Variants in LRRC4C observed in about 807,000 individuals in gnomAD.
LRRC4C encodes leucine-rich repeat-containing protein 4C.
In LRRC4C, 5 loss-of-function variants were observed where a neutral mutation model predicts 33.6. The observed-to-expected ratio is 0.15, with a 90% CI of 0.08 to 0.31. The LOEUF (loss-of-function observed/expected upper bound fraction) is 0.31. LRRC4C is among the 10% of genes least tolerant of loss of function. The pLI is 1.00. For synonymous variants in LRRC4C, 329 were observed against 302.0 expected (o/e 1.09, Z -0.93); for missense variants, 560 against 796.7 (o/e 0.70, Z 3.58).
At chr11:41,250,577 A>G (rs867654292) in intron 1 of LRRC4C, among the ~76,000 whole-genome samples, 14 of 152,196 alleles carry the variant, frequency 9.2e-5, no homozygotes, top group Admixed American at 4.6e-4. Flanking sequence ...GGGGACAGGG[A>G]GCCAAAAATT....
intron 2 of LRRC4C, among the ~76,000 whole-genome samples, chr11:40,775,553 G>T (rs895792424): frequency 1.2e-4 from 19 of 152,090 alleles, no homozygotes; most frequent in African/African-American, 4.3e-4. Flanking sequence ...TGTAAATGGG[G>T]TTGCCTTCTT....
rs572044577 is a variant in LRRC4C, at chr11:40,282,037, C to T, written c.-176+37591G>A. On this transcript the variant is annotated intron_variant, in intron 4 of 6. Coordinates refer to ENST00000528697, the MANE Select transcript of LRRC4C (RefSeq NM_001258419.2). ...AGGTTGCCTACAAGTGTCATCTCAA[C>T]AGTTTGTAGTTTGACAAGAACTAAG... Among the ~76,000 whole-genome samples, 55 of 152,280 alleles carry T rather than the reference C, an allele frequency of 3.6e-4. 1 individual carries two copies. The highest frequency in any genetic ancestry group is 1.3e-3 in the African/African-American group (55 of 41,570).
intron 3 of LRRC4C, among the ~76,000 whole-genome samples, chr11:40,454,143 T>C (rs1163672197): frequency 1.3e-5 from 2 of 151,910 alleles, no homozygotes; most frequent in Non-Finnish European, 2.9e-5. Flanking sequence ...GTTTCCCCAA[T>C]ATAATTATAA....
At chr11:41,281,082 T>TCTCTCTCTCTCTC (rs1949659033) in intron 1 of LRRC4C, among the ~76,000 whole-genome samples, 1 of 90,858 alleles carries the variant, frequency 1.1e-5, no homozygotes, top group Non-Finnish European at 2.5e-5. Context: ...CTCTGTCCTC[T>TCTCTCTCTCTCTC]CTCTCTCTCT....
At chr11:40,581,174 C>A (rs1455984635) in intron 3 of LRRC4C, among the ~76,000 whole-genome samples, 2 of 152,344 alleles carry the variant, frequency 1.3e-5, no homozygotes, top group South Asian at 2.1e-4. Context: ...ATTACACTAA[C>A]AGAAAATTGC....
In LRRC4C at chr11:40,904,082, T is replaced by A. The variant is rs895253156; in HGVS notation, c.-407+29553A>T. Among the ~76,000 whole-genome samples the A allele has an allele frequency of 4.6e-5, 7 of 152,174 alleles. 1 individual carries two copies. The highest frequency in any genetic ancestry group is 2.6e-4 in the Admixed American group (4 of 15,270). The stretch of plus-strand genomic sequence containing the variant: ...GCTGCAATGTCAGAATCAAATTTCA[T>A]CCAATGAGGAGTTACTTCTGAGGGA... On this transcript the variant is annotated intron_variant, in intron 2 of 6. Coordinates refer to ENST00000528697, the MANE Select transcript of LRRC4C (RefSeq NM_001258419.2).
intron 3 of LRRC4C, among the ~76,000 whole-genome samples, chr11:40,517,577 T>C (rs1489254689): frequency 6.6e-6 from 1 of 152,088 alleles, no homozygotes; most frequent in East Asian, 1.9e-4. Context: ...GACAGGACTG[T>C]GAGAACCCAC....
At chr11:41,420,320 A>G (rs1017234548) in intron 1 of LRRC4C, among the ~76,000 whole-genome samples, 1 of 151,894 alleles carries the variant, frequency 6.6e-6, no homozygotes, top group Non-Finnish European at 1.5e-5. Flanking sequence ...AAAATAATAG[A>G]TGTTGAACTC....
At chr11:40,301,337 G>A (rs1944764896) in intron 4 of LRRC4C, among the ~76,000 whole-genome samples, 1 of 152,168 alleles carries the variant, frequency 6.6e-6, no homozygotes, top group Non-Finnish European at 1.5e-5. Context: ...GAGAAGGTAT[G>A]TGTGCATAGA....
At chr11:41,125,061 T>C (rs1403542555) in intron 1 of LRRC4C, among the ~76,000 whole-genome samples, 1 of 152,108 alleles carries the variant, frequency 6.6e-6, no homozygotes, top group Non-Finnish European at 1.5e-5. Context: ...TTGAAGATGA[T>C]TCTCAAGGAC....
At chr11:40,674,880 T>G (rs1007515627) in intron 2 of LRRC4C, among the ~76,000 whole-genome samples, 1 of 152,244 alleles carries the variant, frequency 6.6e-6, no homozygotes, top group Admixed American at 6.5e-5. Flanking sequence ...ATGAAAAAAC[T>G]GAGTTTCAAA....
intron 2 of LRRC4C, among the ~76,000 whole-genome samples, chr11:40,706,951 G>A (rs1811628415): frequency 6.6e-6 from 1 of 152,086 alleles, no homozygotes; most frequent in Non-Finnish European, 1.5e-5. Flanking sequence ...GGATTCCTAG[G>A]TATTTTATTC....
At chr11:40,454,308 TCTCA>T (rs766997299) in intron 3 of LRRC4C, among the ~76,000 whole-genome samples, 3 of 152,106 alleles carry the variant, frequency 2.0e-5, no homozygotes, top group Non-Finnish European at 4.4e-5. Flanking sequence ...ATCTTCTCAC[TCTCA>T]CTCACTTGTA....
chr11:40,811,432 A>G (rs1462333562), intron 2 of LRRC4C, among the ~76,000 whole-genome samples: 1 of 152,154 alleles, frequency 6.6e-6, no homozygotes, highest in Non-Finnish European at 1.5e-5. Context: ...CTGTTTCCTA[A>G]GAGCCTGGTA....
At chr11:40,483,541 T>C (rs1953699324) in intron 3 of LRRC4C, among the ~76,000 whole-genome samples, 1 of 152,008 alleles carries the variant, frequency 6.6e-6, no homozygotes, top group Non-Finnish European at 1.5e-5. Context: ...AATGGAAATA[T>C]TCTGAATAAA....
intron 2 of LRRC4C, among the ~76,000 whole-genome samples, chr11:40,665,872 G>T (rs950500327): frequency 1.3e-5 from 2 of 151,998 alleles, no homozygotes; most frequent in Admixed American, 1.3e-4. Flanking sequence ...ATAAGAAATA[G>T]AATTTAATAG....
At chr11:40,247,263 C>A (rs1347508624) in intron 4 of LRRC4C, among the ~76,000 whole-genome samples, 1 of 152,140 alleles carries the variant, frequency 6.6e-6, no homozygotes, top group Non-Finnish European at 1.5e-5. Context: ...TAAACAACCT[C>A]ATTATCTGCC....
At position 40,994,842 on chromosome 11, in the gene LRRC4C, T is replaced by C. The variant is rs751215473; in HGVS notation, c.-495-61119A>G. Among the ~76,000 whole-genome samples the C allele has an allele frequency of 2.6e-4, 40 of 152,054 alleles. 1 individual carries two copies. Among genetic ancestry groups the C allele is most frequent in the Admixed American group, 5.2e-4 (8 of 15,260 alleles). On this transcript the variant is annotated intron_variant, in intron 1 of 6. Transcript: ENST00000528697. ...TTTTTTTTAACTACTTCATCAACCT[T>C]TTCCCCCAATGACCTTTAATTCTTA...
At chr11:40,726,576 C>T (rs1210044318) in intron 2 of LRRC4C, among the ~76,000 whole-genome samples, 1 of 152,070 alleles carries the variant, frequency 6.6e-6, no homozygotes, top group Non-Finnish European at 1.5e-5. Context: ...ATTAAAAACC[C>T]TTAACAAACT....
Sources: allele counts gnomAD v4.1 joint callset (sites outside exome capture counted in the v4.1 genomes callset), GRCh38; gene constraint gnomAD v4.1.1; transcripts MANE v1.5; gene names NCBI Gene and HGNC (gene_info 2026-07-23, HGNC 2026-07-21).